MAST2: variants seen among roughly 807,000 people sequenced by gnomAD.
MAST2 encodes the protein microtubule associated serine/threonine kinase 2.
In MAST2, 70 loss-of-function variants were observed where a neutral mutation model predicts 147.4. That is an observed-to-expected ratio of 0.47 (90% CI 0.39 to 0.58). The LOEUF is 0.58. Ranked by LOEUF, MAST2 falls within the 20% of genes least tolerant of loss-of-function variation. MAST2 has a pLI of 0.00. For synonymous variants in MAST2, 869 were observed against 896.8 expected, an observed-to-expected ratio of 0.97 and a Z score of 0.55; for missense variants, 2,080 against 2,302.3, an observed-to-expected ratio of 0.90 and a Z score of 1.98.
chr1:45,812,481 A>T (rs1372156846), intron 1 of MAST2, among the ~76,000 whole-genome samples: 2 of 144,788 alleles, frequency 1.4e-5, no homozygotes, highest in African/African-American at 5.2e-5. Flanking sequence ...GGGCTGGAGT[A>T]CAGTGGTACC....
intron 5 of MAST2, among the ~76,000 whole-genome samples, chr1:45,966,347 C>T (rs936392633): frequency 1.3e-5 from 2 of 151,262 alleles, no homozygotes; most frequent in Admixed American, 6.6e-5. Flanking sequence ...TTTGGGTAGA[C>T]GTTAATTTTT....
intron 4 of MAST2, among the ~76,000 whole-genome samples, chr1:45,883,911 T>TCCCCCCCCC (rs1491218010): frequency 2.0e-3 from 1 of 508 alleles, no homozygotes; most frequent in Non-Finnish European, 5.7e-3. Flanking sequence ...CTACTATTTC[T>TCCCCCCCCC]GCCCCCCCCG....
rs189017497 is a variant in MAST2, at chr1:45,892,946, G to A, written c.500+10551G>A. 1.4e-4 allele frequency among the ~76,000 whole-genome samples: 22 copies of A among 152,276 alleles called. No individual in the cohort carries two copies. The East Asian group carries it at 3.7e-3, about 25-fold the overall frequency. On this transcript the variant is annotated intron_variant, in intron 4 of 28. Transcript: ENST00000361297. ...AACATAGATAAACATAATTTTTAGAGAGGGAAAAATCTTTATGTATAACTT... is the reference window on the plus strand; with the variant it reads ...AACATAGATAAACATAATTTTTAGAAAGGGAAAAATCTTTATGTATAACTT...
At chr1:45,830,290 T>A (rs951745154) in intron 3 of MAST2, among the ~76,000 whole-genome samples, 1 of 146,334 alleles carries the variant, frequency 6.8e-6, no homozygotes, top group African/African-American at 2.5e-5. Flanking sequence ...TTCTCCTGCC[T>A]CAGCCTCCCA....
In MAST2 at chr1:46,031,303, G is replaced by T; in HGVS notation, c.2992+13G>T. On this transcript the variant is annotated intron_variant, in intron 23 of 28. Coordinates refer to ENST00000361297, the MANE Select transcript of MAST2 (RefSeq NM_015112.3). This position sits in a 1 kb window ranked among gnomAD's most constrained non-coding sequence, Gnocchi z 4.1. ...GGTTCCAGTCCAGGTATGGCCCAGT[G>T]GGCGGCCAAACGACCTAAGCTGGAG... 1 of 1,542,438 alleles carries T rather than the reference G, an allele frequency of 6.5e-7. No homozygotes were observed. Among genetic ancestry groups the T allele is most frequent in the South Asian group, 1.2e-5 (1 of 80,604 alleles).
chr1:45,943,588 A>G (rs1024506443), intron 4 of MAST2, among the ~76,000 whole-genome samples: 1 of 152,180 alleles, frequency 6.6e-6, no homozygotes, highest in South Asian at 2.1e-4. Context: ...TTTTGCTTTC[A>G]TACAAAATTA....
chr1:45,880,606 C>T (rs930267181), intron 3 of MAST2, among the ~76,000 whole-genome samples: 2 of 152,012 alleles, frequency 1.3e-5, no homozygotes, highest in African/African-American at 2.4e-5. Flanking sequence ...AAAAGAATTG[C>T]AATCAAATAC....
At chr1:46,018,168 C>G (rs1277396189) in intron 10 of MAST2, among the ~76,000 whole-genome samples, 2 of 152,224 alleles carry the variant, frequency 1.3e-5, no homozygotes, top group Non-Finnish European at 1.5e-5. Context: ...TGCTGCCCAC[C>G]TCTTCCTACT....
chr1:45,830,305 G>A lies in MAST2; in HGVS notation c.468+724G>A, dbSNP rs1190612258. 2.0e-5 allele frequency among the ~76,000 whole-genome samples: 3 copies of A among 147,644 alleles called. No individual in the cohort carries two copies. The East Asian group carries it at 6.0e-4, about 30-fold the overall frequency. ...TTCTCCTGCCTCAGCCTCCCAAGTA[G>A]CTGGGATTACAGGCACTTGCCACCA... On this transcript the variant is annotated intron_variant, in intron 3 of 28. Transcript: ENST00000361297.
At chr1:45,910,304 T>A (rs1009245814) in intron 4 of MAST2, among the ~76,000 whole-genome samples, 1 of 152,126 alleles carries the variant, frequency 6.6e-6, no homozygotes, top group Admixed American at 6.5e-5. Flanking sequence ...TATATTCTCA[T>A]CAAAAATATA....
At chr1:45,933,742 A>G (rs1655742759) in intron 4 of MAST2, among the ~76,000 whole-genome samples, 1 of 152,078 alleles carries the variant, frequency 6.6e-6, no homozygotes, top group South Asian at 2.1e-4. Context: ...CAACAAGAGC[A>G]AAAACTCAGT....
At chr1:45,889,934 A>C (rs1023506711) in intron 4 of MAST2, among the ~76,000 whole-genome samples, 10 of 152,048 alleles carry the variant, frequency 6.6e-5, no homozygotes, top group African/African-American at 2.4e-4. Context: ...TTATATTTTT[A>C]GGGTTTCACC....
Position 46,008,306 on chromosome 1 carries a change from T to A in MAST2, c.913T>A (p.Ser305Thr), listed in dbSNP as rs774261996. Reference protein sequence around the residue: ...PRSRSLSPGRSPVSFDSEIIM... With the variant: ...PRSRSLSPGRTPVSFDSEIIM... Reference sequence around the variant, plus strand: ...TTCTTTCTTTTTTAGTCCCGGACGATCCCCAGTATCCTTTGACAGTGAAAT... The same window carrying A: ...TTCTTTCTTTTTTAGTCCCGGACGAACCCCAGTATCCTTTGACAGTGAAAT... Residue 305 changes from serine to threonine, a missense_variant, in exon 9 of 29, where the codon TCC (serine) becomes ACC (threonine). Around this residue, in one of 4 missense-constraint regions of MAST2, gnomAD observed 569 missense variants for 642.5 expected, o/e 0.89. Transcript: ENST00000361297. 4.3e-6 allele frequency: 7 copies of A among 1,611,148 alleles called. No homozygotes were observed. The African/African-American group carries it at 8.0e-5, about 18-fold the overall frequency.
chr1:45,853,609 C>G (rs906574810), intron 3 of MAST2, among the ~76,000 whole-genome samples: 3 of 152,300 alleles, frequency 2.0e-5, no homozygotes, highest in Non-Finnish European at 4.4e-5. Flanking sequence ...CCACCCCGGC[C>G]TCCCAAAGTG....
At chr1:45,983,050 A>G (rs576262419) in intron 5 of MAST2, among the ~76,000 whole-genome samples, 42 of 152,206 alleles carry the variant, frequency 2.8e-4, no homozygotes, top group Non-Finnish European at 4.9e-4. Context: ...CCTTTTGCCA[A>G]AGATTTCCAT....
Position 46,002,872 on chromosome 1 carries a change from T to C in MAST2, c.736T>C (p.Ser246Pro). The C allele has an allele frequency of 1.2e-6, 2 of 1,614,138 alleles. No individual in the cohort carries two copies. The highest frequency in any genetic ancestry group is 1.7e-6 in the Non-Finnish European group (2 of 1,179,982). ...AGGATATGGAACTAACACTCCTAGC[T>C]CCACTGTCTCAGTAAGTAGCCAAAT... ...SSGYGTNTPSSTVSSSCSSQE... is the reference protein window; with the variant it reads ...SSGYGTNTPSPTVSSSCSSQE... The change falls in exon 7 of 29, where the codon TCC becomes CCC. Residue 246 changes from serine (S) to proline (P), a missense_variant. By Grantham distance (74) the Ser-to-Pro change is moderately conservative. Transcript: ENST00000361297.
At chr1:45,852,066 A>G (rs1225608310) in intron 3 of MAST2, among the ~76,000 whole-genome samples, 2 of 152,190 alleles carry the variant, frequency 1.3e-5, no homozygotes. Context: ...GTCATCTTAT[A>G]TAGCTATAAT....
intron 3 of MAST2, among the ~76,000 whole-genome samples, chr1:45,834,837 T>C (rs1020697536): frequency 2.6e-5 from 4 of 152,130 alleles, no homozygotes; most frequent in African/African-American, 9.7e-5. Context: ...GCCTTCTGTA[T>C]CTCTGATGTA....
chr1:45,955,056 G>A (rs1162324423), intron 4 of MAST2, among the ~76,000 whole-genome samples: 1 of 152,192 alleles, frequency 6.6e-6, no homozygotes, highest in Non-Finnish European at 1.5e-5. Flanking sequence ...CTTATTGAGA[G>A]CCTACTGTGT....
Sources: gnomAD v4.1 joint callset for allele counts (sites outside exome capture counted in the v4.1 genomes callset) on GRCh38, gnomAD v4.1.1 for gene constraint, gnomAD v4.1.1 regional missense constraint, Gnocchi (gnomAD v3.1) non-coding constraint, MANE v1.5 for transcripts, NCBI Gene and HGNC (gene_info 2026-07-23, HGNC 2026-07-21) for gene names.